The following OPCML variants were observed in gnomAD, a reference collection of about 807,000 sequenced individuals.
The protein encoded by OPCML is opioid-binding protein/cell adhesion molecule.
OPCML carries 13 observed loss-of-function variants against 37.8 expected under a neutral mutation model. The ratio of observed to expected loss-of-function variants is 0.34; its 90% CI spans 0.22 to 0.55. The LOEUF is 0.55. Ranked by LOEUF, OPCML falls within the 20% of genes least tolerant of loss-of-function variation. The probability of loss-of-function intolerance (pLI) is 0.91; values close to 1 mark genes in which losing one functional copy is unlikely to be tolerated. For missense variants in OPCML, 341 were observed against 435.6 expected (o/e 0.78, Z 1.93); for synonymous variants, 176 against 168.8 (o/e 1.04, Z -0.33).
intron 1 of OPCML, among the ~76,000 whole-genome samples, chr11:133,467,039 C>CT (rs1236742590): frequency 6.6e-6 from 1 of 152,114 alleles, no homozygotes; most frequent in Non-Finnish European, 1.5e-5. Flanking sequence ...AAAGCTGTTG[C>CT]TTTTTGCATC....
intron 2 of OPCML, among the ~76,000 whole-genome samples, chr11:132,829,011 C>G (rs2136273075): frequency 6.6e-6 from 1 of 152,322 alleles, no homozygotes; most frequent in African/African-American, 2.4e-5. Flanking sequence ...TTTCCCAACA[C>G]AGCAAGAAAT....
chr11:132,944,846 A>G (rs73024300), intron 1 of OPCML, among the ~76,000 whole-genome samples: 5,202 of 152,290 alleles, frequency 0.034, 121 homozygotes, highest in Middle Eastern at 0.065. Context: ...AATGGTTGCT[A>G]TGTGCATCTG....
intron 2 of OPCML, among the ~76,000 whole-genome samples, chr11:132,795,668 C>A (rs957882679): frequency 5.3e-5 from 8 of 152,208 alleles, no homozygotes; most frequent in African/African-American, 1.9e-4. Flanking sequence ...TAAAGGGAGT[C>A]CTACAATAGC....
chr11:132,977,886 C>A (rs1003516363), intron 1 of OPCML, among the ~76,000 whole-genome samples: 9 of 152,082 alleles, frequency 5.9e-5, no homozygotes, highest in Non-Finnish European at 1.0e-4. Flanking sequence ...TTTATGATCT[C>A]ATTGGAGAGA....
intron 2 of OPCML, among the ~76,000 whole-genome samples, chr11:132,695,961 G>C (rs1943585112): frequency 2.0e-5 from 3 of 152,074 alleles, no homozygotes; most frequent in Admixed American, 6.5e-5. Context: ...ATGAGCAGTG[G>C]GGCCAACAAC....
intron 1 of OPCML, among the ~76,000 whole-genome samples, chr11:133,525,001 C>A (rs536690805): frequency 1.3e-5 from 2 of 152,342 alleles, no homozygotes; most frequent in African/African-American, 4.8e-5. Context: ...AGCACTTGCT[C>A]TCTCCCACCC....
rs867639381 is a variant in OPCML at position 132,958,889 on chromosome 11, T to G, written c.62-15879A>C. Among the ~76,000 whole-genome samples, 3 of 152,334 alleles carry G rather than the reference T, an allele frequency of 2.0e-5. No homozygotes were observed. In the South Asian group the frequency reaches 6.2e-4, roughly 32 times the overall value. On this transcript the variant is annotated intron_variant, in intron 1 of 7. Coordinates refer to ENST00000524381, the MANE Select transcript of OPCML (RefSeq NM_001012393.5). The stretch of plus-strand genomic sequence containing the variant: ...TTACCCAAAAGCTCCAATGAAGATA[T>G]ACAGAGAGATGAATGTTGTTTTCAT...
At chr11:133,049,530 T>C (rs137972174) in intron 1 of OPCML, among the ~76,000 whole-genome samples, 10 of 152,318 alleles carry the variant, frequency 6.6e-5, no homozygotes, top group South Asian at 2.1e-4. Context: ...TCACATCTAT[T>C]TGAATGTTAA....
At chr11:132,591,136 G>A (rs929147174) in intron 3 of OPCML, among the ~76,000 whole-genome samples, 4 of 152,072 alleles carry the variant, frequency 2.6e-5, no homozygotes, top group African/African-American at 4.8e-5. Flanking sequence ...AGTTATCCCC[G>A]GCCTGAGGCT....
intron 2 of OPCML, among the ~76,000 whole-genome samples, chr11:132,735,708 C>T (rs1945232954): frequency 6.6e-6 from 1 of 152,182 alleles, no homozygotes; most frequent in Admixed American, 6.5e-5. Flanking sequence ...TGGTCTCGAT[C>T]TCCTGACCTT....
intron 2 of OPCML, among the ~76,000 whole-genome samples, chr11:132,658,619 T>C (rs558759008): frequency 5.3e-5 from 8 of 152,324 alleles, no homozygotes; most frequent in African/African-American, 1.9e-4. Context: ...TTTTATGAGC[T>C]GGCCCATCTG....
intron 1 of OPCML, among the ~76,000 whole-genome samples, chr11:132,997,946 G>A (rs117205759): frequency 6.6e-6 from 1 of 152,138 alleles, no homozygotes. Flanking sequence ...CCTCACAGGA[G>A]GTTCACATCC....
At chr11:133,444,216 C>T (rs191969038) in intron 1 of OPCML, among the ~76,000 whole-genome samples, 7 of 151,992 alleles carry the variant, frequency 4.6e-5, no homozygotes, top group Admixed American at 1.3e-4. Context: ...CAGAGGAGGA[C>T]GTAGAGAATG....
intron 1 of OPCML, among the ~76,000 whole-genome samples, chr11:133,109,833 A>T (rs1304117463): frequency 6.6e-6 from 1 of 152,206 alleles, no homozygotes; most frequent in Admixed American, 6.5e-5. Flanking sequence ...GTGGGAATGT[A>T]AATTTAAATT....
At chr11:132,784,405 A>G (rs776338317) in intron 2 of OPCML, among the ~76,000 whole-genome samples, 15 of 152,046 alleles carry the variant, frequency 9.9e-5, no homozygotes, top group Non-Finnish European at 1.5e-4. Context: ...CCAACTTCCA[A>G]TCTGGCACAC....
chr11:132,453,011 T>C (rs550612391), intron 4 of OPCML, among the ~76,000 whole-genome samples: 15 of 152,282 alleles, frequency 9.9e-5, no homozygotes, highest in African/African-American at 3.6e-4. Flanking sequence ...TTGTAAGGGA[T>C]TGTCTTATTC....
intron 3 of OPCML, among the ~76,000 whole-genome samples, chr11:132,548,411 C>T (rs2096373764): frequency 6.6e-6 from 1 of 152,124 alleles, no homozygotes; most frequent in African/African-American, 2.4e-5. Flanking sequence ...TAATGGTGAC[C>T]CTCCTGGCCC....
Position 133,140,384 on chromosome 11 carries a change from G to A in OPCML, c.62-197374C>T, listed in dbSNP as rs559320491. The stretch of plus-strand genomic sequence containing the variant: ...ACAAAAATTAGCAGGGTGTGGCAGC[G>A]GGCACCTGTAATCCCAGCTACTTGG... On this transcript the variant is annotated intron_variant, in intron 1 of 7. Transcript: ENST00000524381. Among the ~76,000 whole-genome samples, 23 of 147,294 alleles carry A rather than the reference G, an allele frequency of 1.6e-4. No individual in the cohort carries two copies. The South Asian group carries it at 1.9e-3, about 12-fold the overall frequency.
intron 1 of OPCML, among the ~76,000 whole-genome samples, chr11:133,386,725 C>T (rs1208826039): frequency 6.6e-6 from 1 of 152,210 alleles, no homozygotes; most frequent in African/African-American, 2.4e-5. Context: ...AAATAATGAC[C>T]TGTTAGTACG....
Sources: allele counts gnomAD v4.1 joint callset (sites outside exome capture counted in the v4.1 genomes callset), GRCh38; gene constraint gnomAD v4.1.1; transcripts MANE v1.5; gene names NCBI Gene and HGNC (gene_info 2026-07-23, HGNC 2026-07-21).